The following GRAMD1B variants were observed in gnomAD, a reference collection of about 807,000 sequenced individuals.
The protein encoded by GRAMD1B is protein Aster-B.
In GRAMD1B, 37 loss-of-function variants were observed where a neutral mutation model predicts 99.7. That is an observed-to-expected ratio of 0.37 (90% CI 0.29 to 0.49). The LOEUF (loss-of-function observed/expected upper bound fraction) is 0.49. GRAMD1B is among the 20% of genes least tolerant of loss of function. The probability of loss-of-function intolerance (pLI) is 0.98; values close to 1 mark genes in which losing one functional copy is unlikely to be tolerated. For synonymous variants in GRAMD1B, 427 were observed against 387.6 expected, an observed-to-expected ratio of 1.10 and a Z score of -1.19; for missense variants, 888 against 1,009.2, an observed-to-expected ratio of 0.88 and a Z score of 1.63.
intron 8 of GRAMD1B, among the ~76,000 whole-genome samples, chr11:123,601,075 A>T (rs1260839470): frequency 6.6e-6 from 1 of 152,028 alleles, no homozygotes; most frequent in East Asian, 1.9e-4. Context: ...CTTGGAAGCT[A>T]TAATAGAGAA....
chr11:123,359,556 C>T (rs1211820683), intron 1 of GRAMD1B, among the ~76,000 whole-genome samples: 2 of 152,066 alleles, frequency 1.3e-5, no homozygotes, highest in African/African-American at 4.8e-5. Flanking sequence ...AAAAGTTCCT[C>T]AGCAGGATAT....
chr11:123,571,478 C>A (rs560073399), intron 2 of GRAMD1B, among the ~76,000 whole-genome samples: 1 of 152,326 alleles, frequency 6.6e-6, no homozygotes, highest in African/African-American at 2.4e-5. Context: ...GAGGTAGGAT[C>A]AAACCATAGG....
chr11:123,608,836 C>G (rs1372060588), intron 12 of GRAMD1B, 34 bp downstream of exon 12: 1 of 1,292,264 alleles, frequency 7.7e-7, no homozygotes, highest in Non-Finnish European at 1.1e-6. Context: ...CCCCATTCCT[C>G]CCTCTTCATC....
chr11:123,589,614 T>TATATATATATATATATATATATATA (rs1555089174), intron 4 of GRAMD1B, among the ~76,000 whole-genome samples: 54 of 128,212 alleles, frequency 4.2e-4, no homozygotes, highest in African/African-American at 1.6e-3. Flanking sequence ...TGGCTAATTT[T>TATATATATATATATATATATATATA]TATATATATA....
At chr11:123,419,743 G>GAA (rs879563166) in intron 1 of GRAMD1B, among the ~76,000 whole-genome samples, 51,113 of 142,296 alleles carry the variant, frequency 0.36, 10,402 homozygotes, top group African/African-American at 0.58. Flanking sequence ...GTGTGTGTGT[G>GAA]TGTGAATGAG....
At chr11:123,565,647 C>T (rs994215890) in intron 2 of GRAMD1B, among the ~76,000 whole-genome samples, 3 of 152,224 alleles carry the variant, frequency 2.0e-5, no homozygotes, top group African/African-American at 7.2e-5. Flanking sequence ...CCAGTGGGAG[C>T]TCTGTCAGTG....
intron 2 of GRAMD1B, among the ~76,000 whole-genome samples, chr11:123,550,752 G>A (rs1362215977): frequency 1.3e-5 from 2 of 152,208 alleles, no homozygotes; most frequent in Admixed American, 6.5e-5. Context: ...GAGGTGATTT[G>A]GAGAGGGGCT....
chr11:123,618,316 T>A (rs1215740415), intron 17 of GRAMD1B: 5 of 1,606,058 alleles, frequency 3.1e-6, no homozygotes, highest in Non-Finnish European at 4.3e-6. Flanking sequence ...CTCTGCCTCC[T>A]CCCCATTTTT....
In GRAMD1B at chr11:123,558,956, C is replaced by T. The variant is rs73615824; in HGVS notation, c.453-18411C>T. 6.4e-3 allele frequency among the ~76,000 whole-genome samples: 968 copies of T among 152,314 alleles called. 6 individuals are homozygous for T. The highest frequency in any genetic ancestry group is 0.022 in the African/African-American group (915 of 41,562). On this transcript the variant is annotated intron_variant, in intron 2 of 19. Transcript: ENST00000635736. ...GAAATATTAGCTCTCAGCATGAGTT[C>T]GAGCAGGATGCAGGTGACATCAATG...
chr11:123,432,052 G>T (rs1425524514), intron 1 of GRAMD1B: 1 of 398,484 alleles, frequency 2.5e-6, no homozygotes, highest in African/African-American at 2.1e-5. Flanking sequence ...GTTCTTGTGC[G>T]GAGCAACTGA....
chr11:123,449,468 A>G lies in GRAMD1B; in HGVS notation c.374+18302A>G, dbSNP rs146580594. On this transcript the variant is annotated intron_variant, in intron 1 of 19. Transcript: ENST00000635736. ...CTGAATAATTACCCCTTCATATGCC[A>G]TTTATGTAAATCTGTACTATTATGT... is the stretch of plus-strand genomic sequence containing the variant. 5.1e-3 allele frequency among the ~76,000 whole-genome samples: 783 copies of G among 152,326 alleles called. 4 individuals carry two copies. The highest frequency in any genetic ancestry group is 0.018 in the South Asian group (85 of 4,822).
chr11:123,480,190 C>G (rs887975490), intron 1 of GRAMD1B, among the ~76,000 whole-genome samples: 1 of 152,208 alleles, frequency 6.6e-6, no homozygotes, highest in Admixed American at 6.5e-5. Flanking sequence ...ATCTCACTTA[C>G]AGTGCCTTAA....
intron 1 of GRAMD1B, among the ~76,000 whole-genome samples, chr11:123,451,874 C>T (rs1258459783): frequency 5.9e-5 from 9 of 152,098 alleles, no homozygotes; most frequent in Non-Finnish European, 1.3e-4. Context: ...TGTTCTCTCG[C>T]CCAGGCTGGA....
At chr11:123,394,895 A>T (rs569261305) in intron 1 of GRAMD1B, among the ~76,000 whole-genome samples, 1 of 152,190 alleles carries the variant, frequency 6.6e-6, no homozygotes. Flanking sequence ...TCCTCACTTG[A>T]CAGAAGAGTG....
chr11:123,504,206 C>G (rs1362068777), intron 2 of GRAMD1B, among the ~76,000 whole-genome samples: 1 of 152,182 alleles, frequency 6.6e-6, no homozygotes, highest in Non-Finnish European at 1.5e-5. Flanking sequence ...AGGCATAGAA[C>G]AGCACTGGTC....
At chr11:123,584,263 C>T (rs747461868) in intron 3 of GRAMD1B, 49 bp from the exon 4 acceptor site, 1 of 882,138 alleles carries the variant, frequency 1.1e-6, no homozygotes, top group East Asian at 4.4e-5. Context: ...CCCTTCCCCC[C>T]ATTTCTTCCC....
intron 2 of GRAMD1B, among the ~76,000 whole-genome samples, chr11:123,555,425 T>C (rs1946081889): frequency 6.6e-6 from 1 of 152,212 alleles, no homozygotes; most frequent in Admixed American, 6.5e-5. Flanking sequence ...CTTGGCTCAC[T>C]GCAACCTCTG....
intron 2 of GRAMD1B, among the ~76,000 whole-genome samples, chr11:123,500,050 G>A (rs917633111): frequency 4.6e-5 from 7 of 152,130 alleles, no homozygotes; most frequent in African/African-American, 1.2e-4. Flanking sequence ...TATTTTGGCC[G>A]GACGCAGTGG....
chr11:123,613,058 G>C, intron 15 of GRAMD1B, 194 bp downstream of exon 15: 1 of 590,454 alleles, frequency 1.7e-6, no homozygotes, highest in Non-Finnish European at 3.0e-6. Context: ...CATTTTTCTA[G>C]ACTGTGTCTA....
Sources: allele counts gnomAD v4.1 joint callset (sites outside exome capture counted in the v4.1 genomes callset), GRCh38; gene constraint gnomAD v4.1.1; transcripts MANE v1.5; gene names NCBI Gene and HGNC (gene_info 2026-07-23, HGNC 2026-07-21).